The following FRMD5 variants were observed in gnomAD, a reference collection of about 807,000 sequenced individuals.
FRMD5 encodes FERM domain containing 5, also known as FERM domain-containing protein 5.
FRMD5 carries 20 observed loss-of-function variants against 69.0 expected under a neutral mutation model. That is an observed-to-expected ratio of 0.29 (90% CI 0.20 to 0.42). The LOEUF is 0.42. Among genes scored for constraint, FRMD5 ranks in the 10% least tolerant of loss-of-function variants. The pLI is 1.00. For synonymous variants in FRMD5, 271 were observed against 260.1 expected (o/e 1.04, Z -0.40); for missense variants, 595 against 708.6 (o/e 0.84, Z 1.82).
At chr15:44,083,307 A>G (rs759800082) in intron 1 of FRMD5, among the ~76,000 whole-genome samples, 10 of 152,078 alleles carry the variant, frequency 6.6e-5, no homozygotes, top group Non-Finnish European at 1.0e-4. Context: ...CACTAAAGCA[A>G]GAAAATTTAT....
intron 1 of FRMD5, among the ~76,000 whole-genome samples, chr15:44,125,119 A>G (rs1350414145): frequency 2.0e-5 from 3 of 152,158 alleles, no homozygotes; most frequent in African/African-American, 7.2e-5. Flanking sequence ...GTGCAAGTCA[A>G]AATCAAAACC....
At chr15:43,888,402 T>C (rs1392910373) in intron 9 of FRMD5, 136 bp from the exon 10 acceptor site, 1 of 638,224 alleles carries the variant, frequency 1.6e-6, no homozygotes, top group Non-Finnish European at 2.8e-6. Flanking sequence ...TGGGACCCAC[T>C]GAGGCAGAGC....
chr15:44,178,951 C>A (rs1207564320), intron 1 of FRMD5, among the ~76,000 whole-genome samples: 6 of 151,912 alleles, frequency 3.9e-5, no homozygotes, highest in African/African-American at 7.3e-5. Flanking sequence ...AAGATTGCAC[C>A]ACTGTACTCC....
intron 1 of FRMD5, among the ~76,000 whole-genome samples, chr15:44,116,934 T>G (rs776240899): frequency 1.4e-5 from 2 of 141,844 alleles, no homozygotes; most frequent in African/African-American, 5.3e-5. Flanking sequence ...ATACAAAAAT[T>G]AACCGAGCAT....
intron 1 of FRMD5, among the ~76,000 whole-genome samples, chr15:44,053,150 C>T (rs1892735809): frequency 6.6e-6 from 1 of 152,088 alleles, no homozygotes; most frequent in Non-Finnish European, 1.5e-5. Context: ...AGCATGAAAA[C>T]AACTTCAAAC....
intron 1 of FRMD5, among the ~76,000 whole-genome samples, chr15:44,099,704 A>G (rs999438037): frequency 6.6e-6 from 1 of 152,162 alleles, no homozygotes; most frequent in Admixed American, 6.5e-5. Context: ...ACAAAAAGAT[A>G]CATCTTTTAT....
At chr15:44,001,609 T>C (rs1890214895) in intron 1 of FRMD5, among the ~76,000 whole-genome samples, 1 of 65,352 alleles carries the variant, frequency 1.5e-5, no homozygotes, top group African/African-American at 4.2e-5. Context: ...TCCAATTTTA[T>C]TGTTTTTTTT....
intron 1 of FRMD5, among the ~76,000 whole-genome samples, chr15:44,069,481 C>G (rs1463380842): frequency 1.3e-5 from 2 of 151,118 alleles, no homozygotes; most frequent in Non-Finnish European, 2.9e-5. Context: ...GAATACTACT[C>G]AGCAATAAAA....
At chr15:44,160,930 G>C (rs1317058239) in intron 1 of FRMD5, among the ~76,000 whole-genome samples, 2 of 152,136 alleles carry the variant, frequency 1.3e-5, no homozygotes, top group Non-Finnish European at 2.9e-5. Context: ...CTCACTTGTT[G>C]GGGATGCATT....
intron 1 of FRMD5, among the ~76,000 whole-genome samples, chr15:43,945,992 C>T (rs1303002768): frequency 6.6e-6 from 1 of 151,790 alleles, no homozygotes; most frequent in African/African-American, 2.4e-5. Context: ...GAGGCGGAGG[C>T]TGTAGTGAGC....
At chr15:44,195,992 A>G (rs1481501373), upstream of FRMD5, among the ~76,000 whole-genome samples, 1 of 152,194 alleles carries the variant, frequency 6.6e-6, no homozygotes, top group Non-Finnish European at 1.5e-5. Flanking sequence ...TTAGAACTGG[A>G]AATTATGTCT....
chr15:44,051,835 T>C (rs576115000), intron 1 of FRMD5, among the ~76,000 whole-genome samples: 3 of 152,190 alleles, frequency 2.0e-5, no homozygotes, highest in African/African-American at 7.2e-5. Context: ...GAAGAACTTA[T>C]AGGGAGGAAG....
intron 1 of FRMD5, among the ~76,000 whole-genome samples, chr15:44,057,497 A>G (rs977492012): frequency 6.6e-6 from 1 of 152,202 alleles, no homozygotes; most frequent in Non-Finnish European, 1.5e-5. Context: ...GAGGATCATC[A>G]TGACACAATT....
chr15:44,088,587 T>C (rs1894301483), intron 1 of FRMD5, among the ~76,000 whole-genome samples: 1 of 152,164 alleles, frequency 6.6e-6, no homozygotes, highest in Admixed American at 6.6e-5. Flanking sequence ...TTTTCTCTTC[T>C]TCCTTCCCCC....
chr15:44,055,139 A>G (rs954988453), intron 1 of FRMD5, among the ~76,000 whole-genome samples: 9 of 151,506 alleles, frequency 5.9e-5, no homozygotes, highest in Non-Finnish European at 1.0e-4. Flanking sequence ...GCTCAAAGGC[A>G]CCTGGCTATA....
chr15:44,058,536 A>G (rs1892960467), intron 1 of FRMD5, among the ~76,000 whole-genome samples: 1 of 152,122 alleles, frequency 6.6e-6, no homozygotes, highest in Non-Finnish European at 1.5e-5. Context: ...TTTAAAAGTA[A>G]TGGGCTTTGG....
chr15:44,186,666 C>T (rs1035815283), intron 1 of FRMD5, among the ~76,000 whole-genome samples: 4 of 152,230 alleles, frequency 2.6e-5, no homozygotes, highest in Middle Eastern at 3.2e-3. Flanking sequence ...ACAGCAAGCC[C>T]CCTTAATCTC....
chr15:44,044,462 C>T (rs1892343113), intron 1 of FRMD5, among the ~76,000 whole-genome samples: 2 of 151,980 alleles, frequency 1.3e-5, no homozygotes, highest in South Asian at 2.1e-4. Flanking sequence ...GTCACATGCA[C>T]ATGTATGTTT....
intron 1 of FRMD5, among the ~76,000 whole-genome samples, chr15:43,939,980 C>A (rs2140485211): frequency 6.6e-6 from 1 of 152,226 alleles, no homozygotes; most frequent in African/African-American, 2.4e-5. Flanking sequence ...AGTTTGGGAC[C>A]AGCCTGGCCA....
Sources: gnomAD v4.1 joint callset for allele counts (sites outside exome capture counted in the v4.1 genomes callset) on GRCh38, gnomAD v4.1.1 for gene constraint, MANE v1.5 for transcripts, NCBI Gene and HGNC (gene_info 2026-07-23, HGNC 2026-07-21) for gene names.